The following WWOX variants were observed in gnomAD, a reference collection of about 807,000 sequenced individuals.
WWOX encodes WW domain-containing oxidoreductase.
In WWOX, 69 loss-of-function variants were observed where a neutral mutation model predicts 46.2. That is an observed-to-expected ratio of 1.49 (90% CI 1.23 to 1.82). WWOX has a LOEUF of 1.82. Among genes scored for constraint, WWOX ranks in the 40% most tolerant of loss-of-function variants. The probability of loss-of-function intolerance (pLI) is 0.00; values close to 1 mark genes in which losing one functional copy is unlikely to be tolerated. For missense variants in WWOX, 919 were observed against 542.6 expected (o/e 1.69, Z -6.89); for synonymous variants, 359 against 202.6 (o/e 1.77, Z -6.56).
intron 8 of WWOX, among the ~76,000 whole-genome samples, chr16:79,061,208 C>T (rs1488687377): frequency 2.0e-5 from 3 of 152,140 alleles, no homozygotes; most frequent in African/African-American, 7.2e-5. Context: ...ACTTGACTGC[C>T]TAAAATGTTA....
intron 8 of WWOX, among the ~76,000 whole-genome samples, chr16:78,854,560 C>G (rs951715200): frequency 1.3e-5 from 2 of 152,166 alleles, no homozygotes; most frequent in African/African-American, 2.4e-5. Context: ...TAACACCTAA[C>G]GATACCTGTA....
chr16:78,231,844 G>T (rs1187465384), intron 5 of WWOX, among the ~76,000 whole-genome samples: 1 of 152,052 alleles, frequency 6.6e-6, no homozygotes, highest in Non-Finnish European at 1.5e-5. Flanking sequence ...CTTCAAGTTT[G>T]CCCAGATAGT....
intron 4 of WWOX, among the ~76,000 whole-genome samples, chr16:78,118,203 G>T (rs2032907494): frequency 6.6e-6 from 1 of 151,818 alleles, no homozygotes; most frequent in Admixed American, 6.6e-5. Flanking sequence ...ACTCTGTCTT[G>T]TCATCATTTT....
chr16:78,583,042 G>C (rs2045101880), intron 8 of WWOX, among the ~76,000 whole-genome samples: 1 of 152,328 alleles, frequency 6.6e-6, no homozygotes, highest in South Asian at 2.1e-4. Flanking sequence ...TTCACAGAGT[G>C]AAGATGATTT....
At chr16:79,034,733 G>C (rs1362293034) in intron 8 of WWOX, among the ~76,000 whole-genome samples, 1 of 151,478 alleles carries the variant, frequency 6.6e-6, no homozygotes, top group African/African-American at 2.4e-5. Flanking sequence ...TCTCTGATCA[G>C]AGCATACCTG....
intron 8 of WWOX, among the ~76,000 whole-genome samples, chr16:78,659,877 G>T (rs988397901): frequency 6.6e-6 from 1 of 152,044 alleles, no homozygotes. Flanking sequence ...GCAAAGTCCG[G>T]GTCCCCAGGC....
At chr16:78,150,817 C>G (rs1343477070) in intron 4 of WWOX, among the ~76,000 whole-genome samples, 2 of 152,170 alleles carry the variant, frequency 1.3e-5, no homozygotes, top group Non-Finnish European at 2.9e-5. Context: ...TTATTCACAA[C>G]TCTCTAATTG....
intron 5 of WWOX, among the ~76,000 whole-genome samples, chr16:78,249,567 A>G (rs2037924209): frequency 6.6e-6 from 1 of 152,202 alleles, no homozygotes; most frequent in Admixed American, 6.5e-5. Flanking sequence ...TTAATGTGGC[A>G]GCAGCCTCGG....
intron 8 of WWOX, among the ~76,000 whole-genome samples, chr16:79,062,009 C>G (rs1180933289): frequency 2.6e-5 from 4 of 152,174 alleles, no homozygotes; most frequent in African/African-American, 9.6e-5. Flanking sequence ...ACCTTAGAAT[C>G]ATTTTCTTCA....
At chr16:78,146,662 CTGAG>C (rs2034209690) in intron 4 of WWOX, among the ~76,000 whole-genome samples, 1 of 152,172 alleles carries the variant, frequency 6.6e-6, no homozygotes, top group Admixed American at 6.5e-5. Flanking sequence ...GCTCTCCCTT[CTGAG>C]TGTCTGATTT....
At position 79,162,607 on chromosome 16, in the gene WWOX, C is replaced by A. The variant is rs140149840; in HGVS notation, c.1057-49001C>A. Among the ~76,000 whole-genome samples the A allele has an allele frequency of 3.6e-3, 543 of 152,264 alleles. 3 individuals carry two copies. The highest frequency in any genetic ancestry group is 5.8e-3 in the Non-Finnish European group (393 of 68,010). On this transcript the variant is annotated intron_variant, in intron 8 of 8. Transcript: ENST00000566780. Reference sequence around the variant, plus strand: ...TAGGGACAGGACAATAAAGATCAGGCCTTGGGAGATGCAAACAGTTTGCCC... The same window carrying A: ...TAGGGACAGGACAATAAAGATCAGGACTTGGGAGATGCAAACAGTTTGCCC...
intron 8 of WWOX, among the ~76,000 whole-genome samples, chr16:78,485,641 C>A (rs1258749778): frequency 6.6e-6 from 1 of 152,174 alleles, no homozygotes; most frequent in Non-Finnish European, 1.5e-5. Context: ...AAGAGCACTG[C>A]CCGCCGCGTG....
At chr16:78,953,884 C>T (rs1448139442) in intron 8 of WWOX, among the ~76,000 whole-genome samples, 2 of 152,188 alleles carry the variant, frequency 1.3e-5, no homozygotes, top group Non-Finnish European at 2.9e-5. Flanking sequence ...TGACACTTTT[C>T]ACTTGCTGCC....
At chr16:78,165,919 T>A (rs1402749363) in intron 5 of WWOX, among the ~76,000 whole-genome samples, 1 of 152,164 alleles carries the variant, frequency 6.6e-6, no homozygotes, top group Non-Finnish European at 1.5e-5. Context: ...CATTTTATTG[T>A]CTTTCTGACT....
chr16:78,361,944 A>C (rs2081418559), intron 5 of WWOX, among the ~76,000 whole-genome samples: 1 of 141,762 alleles, frequency 7.1e-6, no homozygotes, highest in South Asian at 2.3e-4. Context: ...CAATTACTTT[A>C]TATTAGCGTA....
At chr16:79,065,128 G>A (rs912562366) in intron 8 of WWOX, among the ~76,000 whole-genome samples, 1 of 152,148 alleles carries the variant, frequency 6.6e-6, no homozygotes, top group African/African-American at 2.4e-5. Flanking sequence ...CTTCGCTATG[G>A]GGAAATGCAG....
At chr16:78,834,096 G>A (rs559000687) in intron 8 of WWOX, among the ~76,000 whole-genome samples, 8 of 152,326 alleles carry the variant, frequency 5.3e-5, no homozygotes, top group African/African-American at 9.6e-5. Context: ...GCTGTCGAAC[G>A]TCTGGAACTG....
chr16:78,964,791 G>A (rs1036078224), intron 8 of WWOX, among the ~76,000 whole-genome samples: 4 of 152,190 alleles, frequency 2.6e-5, no homozygotes, highest in African/African-American at 4.8e-5. Flanking sequence ...GATTTCATGG[G>A]CCCAGCCCTG....
intron 1 of WWOX, 104 bp from the exon 2 acceptor site, chr16:78,108,319 T>C: frequency 8.5e-7 from 1 of 1,179,440 alleles, no homozygotes; most frequent in Non-Finnish European, 1.2e-6. Flanking sequence ...CCCTACTTCC[T>C]TCTTATATCT....
Sources: allele counts gnomAD v4.1 joint callset (sites outside exome capture counted in the v4.1 genomes callset), GRCh38; gene constraint gnomAD v4.1.1; transcripts MANE v1.5; gene names NCBI Gene and HGNC (gene_info 2026-07-23, HGNC 2026-07-21).